The following P2RY12 variants were observed in gnomAD, a reference collection of about 807,000 sequenced individuals.
The protein encoded by P2RY12 is purinergic receptor P2Y12.
In P2RY12, 3 loss-of-function variants were observed where a neutral mutation model predicts 4.5. The observed-to-expected ratio is 0.67, with a 90% CI of 0.31 to 1.74. The LOEUF is 1.74. Among genes scored for constraint, P2RY12 ranks in the 40% most tolerant of loss-of-function variants. The pLI is 0.09. For synonymous variants in P2RY12, 148 were observed against 154.1 expected (o/e 0.96, Z 0.29); for missense variants, 356 against 407.8 (o/e 0.87, Z 1.09).
At chr3:151,341,797 A>C (rs999307929) in intron 1 of P2RY12, among the ~76,000 whole-genome samples, 5 of 143,330 alleles carry the variant, frequency 3.5e-5, no homozygotes, top group African/African-American at 1.3e-4. Flanking sequence ...CTCATTGTTC[A>C]GTTCCCACCT....
intron 1 of P2RY12, among the ~76,000 whole-genome samples, chr3:151,341,912 AT>A (rs1230940560): frequency 6.6e-6 from 1 of 152,196 alleles, no homozygotes; most frequent in African/African-American, 2.4e-5. Flanking sequence ...TGAACTCATC[AT>A]TTTTTATGGC....
intron 1 of P2RY12, among the ~76,000 whole-genome samples, chr3:151,374,036 A>G (rs1756510303): frequency 1.3e-5 from 2 of 152,136 alleles, no homozygotes; most frequent in Non-Finnish European, 2.9e-5. Flanking sequence ...TTCAATTCCA[A>G]TCCAACCCCA....
In P2RY12 at chr3:151,371,619, C is replaced by T. The variant is rs1231860736; in HGVS notation, c.-180+13073G>A. ...CTTGTGGGTTTTAAAAGGCTTTTTC[C>T]ATTAACTTGGGCATTGTTTTGCCCA... On this transcript the variant is annotated intron_variant, in intron 1 of 2. Coordinates refer to ENST00000302632, the MANE Select transcript of P2RY12 (RefSeq NM_022788.5). Among the ~76,000 whole-genome samples the T allele has an allele frequency of 2.0e-5, 3 of 152,140 alleles. No homozygotes were observed. The East Asian group carries it at 5.8e-4, about 29-fold the overall frequency.
At chr3:151,360,803 A>G (rs1032325675) in intron 1 of P2RY12, among the ~76,000 whole-genome samples, 2 of 152,170 alleles carry the variant, frequency 1.3e-5, no homozygotes, top group Non-Finnish European at 2.9e-5. Context: ...CTATTACACA[A>G]TGTAAATGTG....
At chr3:151,357,312 G>A (rs145165548) in intron 1 of P2RY12, 1 of 1,613,874 alleles carries the variant, frequency 6.2e-7, no homozygotes. Context: ...CATCGTGGCT[G>A]TTCTCAGGCG....
chr3:151,345,982 C>T (rs1026249614), intron 1 of P2RY12, among the ~76,000 whole-genome samples: 2 of 152,274 alleles, frequency 1.3e-5, no homozygotes, highest in Middle Eastern at 3.4e-3. Flanking sequence ...ACTGTCTTTA[C>T]ACCCCTTATA....
chr3:151,339,798 T>C (rs201032209), intron 2 of P2RY12, among the ~76,000 whole-genome samples: 1 of 3,698 alleles, frequency 2.7e-4, no homozygotes, highest in Non-Finnish European at 5.0e-4. Flanking sequence ...AATGAAAACT[T>C]AACAAGTGAC....
At chr3:151,360,711 GTATC>G in intron 1 of P2RY12, 1 of 1,043,044 alleles carries the variant, frequency 9.6e-7, no homozygotes, top group Non-Finnish European at 1.4e-6. Flanking sequence ...AATTGCAATT[GTATC>G]TATTAGGCAG....
At chr3:151,367,567 T>C (rs559196218) in intron 1 of P2RY12, 2 of 1,330,986 alleles carry the variant, frequency 1.5e-6, no homozygotes, top group South Asian at 1.6e-5. Context: ...TGGTATTGCC[T>C]GCATTCTCTT....
At chr3:151,374,051 G>C (rs998564309) in intron 1 of P2RY12, among the ~76,000 whole-genome samples, 1 of 152,034 alleles carries the variant, frequency 6.6e-6, no homozygotes, top group Non-Finnish European at 1.5e-5. Context: ...ACCCCACAAA[G>C]TTGTTCTGTG....
chr3:151,347,684 T>TG (rs1422727074), intron 1 of P2RY12, among the ~76,000 whole-genome samples: 3 of 152,062 alleles, frequency 2.0e-5, no homozygotes, highest in Non-Finnish European at 4.4e-5. Context: ...GGTGTGGGTG[T>TG]GGGGGATGTG....
intron 1 of P2RY12, chr3:151,355,293 A>C (rs1339388874): frequency 1.6e-6 from 2 of 1,279,666 alleles, no homozygotes; most frequent in Non-Finnish European, 2.2e-6. Flanking sequence ...TTTACTTAAA[A>C]ATTTTTTTCA....
At chr3:151,355,267 ATTT>A (rs1357245819) in intron 1 of P2RY12, 1 of 1,482,478 alleles carries the variant, frequency 6.7e-7, no homozygotes, top group South Asian at 1.2e-5. Context: ...TTTATTATGC[ATTT>A]GCAGTATTCT....
intron 1 of P2RY12, among the ~76,000 whole-genome samples, chr3:151,351,444 C>T (rs1033948088): frequency 3.3e-5 from 5 of 152,158 alleles, no homozygotes; most frequent in African/African-American, 1.2e-4. Context: ...CCTCAGCTCT[C>T]TGAGGAAGCA....
chr3:151,365,222 C>T, intron 1 of P2RY12: 11 of 1,599,030 alleles, frequency 6.9e-6, no homozygotes, highest in Non-Finnish European at 8.6e-6. Flanking sequence ...ATGGGTTACC[C>T]TGGAATTCAT....
intron 1 of P2RY12, among the ~76,000 whole-genome samples, chr3:151,348,437 C>T (rs11715892): frequency 0.18 from 27,792 of 151,410 alleles, 3,162 homozygotes; most frequent in South Asian, 0.33. Flanking sequence ...TCAGCTCATT[C>T]AGATGCGCAG....
intron 1 of P2RY12, among the ~76,000 whole-genome samples, chr3:151,355,693 T>G (rs1003253441): frequency 2.0e-5 from 3 of 152,232 alleles, no homozygotes; most frequent in African/African-American, 7.2e-5. Flanking sequence ...GAATGACAAC[T>G]TTTTGTATTT....
chr3:151,368,689 T>TTTC (rs1553798117), intron 1 of P2RY12, among the ~76,000 whole-genome samples: 4 of 42,000 alleles, frequency 9.5e-5, no homozygotes, highest in Non-Finnish European at 1.7e-4. Context: ...CATTTCATTT[T>TTTC]ATTTCATTTC....
intron 1 of P2RY12, among the ~76,000 whole-genome samples, chr3:151,380,953 C>A (rs1712216678): frequency 6.6e-6 from 1 of 152,092 alleles, no homozygotes; most frequent in Non-Finnish European, 1.5e-5. Context: ...TGTATTGATG[C>A]CAACCAAGTA....
Sources: gnomAD v4.1 joint callset for allele counts (sites outside exome capture counted in the v4.1 genomes callset) on GRCh38, gnomAD v4.1.1 for gene constraint, MANE v1.5 for transcripts, NCBI Gene and HGNC (gene_info 2026-07-23, HGNC 2026-07-21) for gene names.